The following GCH1 variants were observed in gnomAD, a reference collection of about 807,000 sequenced individuals.
GCH1 encodes GTP cyclohydrolase I.
A neutral mutation model predicts 25.9 loss-of-function variants in GCH1; 5 were observed. The ratio of observed to expected loss-of-function variants is 0.19; its 90% confidence interval spans 0.10 to 0.41. The LOEUF is 0.41. Ranked by LOEUF, GCH1 falls within the 10% of genes least tolerant of loss-of-function variation. GCH1 has a pLI of 1.00. For missense variants in GCH1, 261 were observed against 336.5 expected (o/e 0.78, Z 1.75); for synonymous variants, 159 against 129.6 (o/e 1.23, Z -1.54).
chr14:54,849,013 T>G (rs530039464), intron 3 of GCH1, among the ~76,000 whole-genome samples: 1 of 152,196 alleles, frequency 6.6e-6, no homozygotes, highest in Non-Finnish European at 1.5e-5. Flanking sequence ...TTTTCTGGAG[T>G]AGAACTTCAG....
At chr14:54,850,098 C>A (rs1203690268) in intron 3 of GCH1, among the ~76,000 whole-genome samples, 1 of 151,900 alleles carries the variant, frequency 6.6e-6, no homozygotes, top group East Asian at 1.9e-4. Flanking sequence ...CTCAGGTTCC[C>A]AAGTAGCTGC....
intron 1 of GCH1, among the ~76,000 whole-genome samples, chr14:54,879,185 C>T (rs1236886402): frequency 6.6e-6 from 1 of 152,094 alleles, no homozygotes; most frequent in East Asian, 1.9e-4. Flanking sequence ...CTTTGGGAGG[C>T]CAAGGCAGGT....
At chr14:54,891,689 C>A (rs1004961850) in intron 1 of GCH1, among the ~76,000 whole-genome samples, 1 of 152,188 alleles carries the variant, frequency 6.6e-6, no homozygotes, top group African/African-American at 2.4e-5. Context: ...GAACTGCAGG[C>A]ATGAGCCATC....
chr14:54,869,131 C>T (rs1250591962), intron 1 of GCH1, among the ~76,000 whole-genome samples: 4 of 151,748 alleles, frequency 2.6e-5, no homozygotes, highest in Admixed American at 6.6e-5. Context: ...CTTCGCCTCC[C>T]GGGTTCAAGC....
At chr14:54,885,270 A>G in intron 1 of GCH1, 1 of 215,882 alleles carries the variant, frequency 4.6e-6, no homozygotes, top group Non-Finnish European at 9.6e-6. Context: ...TCAGGATGGT[A>G]GAAGAAGTAG....
intron 1 of GCH1, among the ~76,000 whole-genome samples, chr14:54,868,487 A>G (rs1052943413): frequency 2.0e-5 from 3 of 152,232 alleles, no homozygotes; most frequent in Non-Finnish European, 4.4e-5. Flanking sequence ...CAGAAAGACT[A>G]AGGAATTGTC....
intron 3 of GCH1, among the ~76,000 whole-genome samples, chr14:54,848,628 G>T (rs541348704): frequency 2.2e-4 from 34 of 151,940 alleles, no homozygotes; most frequent in Middle Eastern, 6.8e-3. Flanking sequence ...CCAACTACAC[G>T]TCTCAGAACC....
chr14:54,865,045 A>G (rs866705286), intron 2 of GCH1, among the ~76,000 whole-genome samples: 21 of 137,218 alleles, frequency 1.5e-4, no homozygotes, highest in African/African-American at 7.0e-4. Flanking sequence ...GTAGCTACAA[A>G]AAAAAAAAAA....
intron 1 of GCH1, among the ~76,000 whole-genome samples, chr14:54,892,622 G>C (rs764608138): frequency 9.2e-5 from 14 of 151,986 alleles, no homozygotes; most frequent in Non-Finnish European, 1.9e-4. Flanking sequence ...CCAGGGGACA[G>C]AGGTTGCAGT....
chr14:54,878,526 T>C (rs1177584830), intron 1 of GCH1, among the ~76,000 whole-genome samples: 1 of 152,162 alleles, frequency 6.6e-6, no homozygotes, highest in Non-Finnish European at 1.5e-5. Flanking sequence ...CATAGTTCCA[T>C]CTAATATCAG....
chr14:54,844,233 C>T (rs577612263), intron 5 of GCH1, 90 bp from the exon 6 acceptor site: 75 of 850,536 alleles, frequency 8.8e-5, no homozygotes, highest in Non-Finnish European at 1.3e-4. Flanking sequence ...AATCTCAGCT[C>T]ACAGTTACCA....
intron 1 of GCH1, chr14:54,885,911 C>CA (rs1015405707): frequency 2.0e-3 from 367 of 186,278 alleles, no homozygotes; most frequent in South Asian, 5.0e-3. Flanking sequence ...ACAACAACAA[C>CA]AAAAAAAAAC....
intron 4 of GCH1, 34 bp from the exon 5 acceptor site, chr14:54,845,886 C>A: frequency 9.1e-7 from 1 of 1,102,776 alleles, no homozygotes; most frequent in East Asian, 2.3e-5. Context: ...GTTTGAGAGT[C>A]TGACACAAAC....
At chr14:54,892,090 G>A (rs1346700844) in intron 1 of GCH1, among the ~76,000 whole-genome samples, 1 of 152,104 alleles carries the variant, frequency 6.6e-6, no homozygotes, top group East Asian at 1.9e-4. Flanking sequence ...GTGAAACTGT[G>A]AAGGAGGAAA....
intron 4 of GCH1, among the ~76,000 whole-genome samples, chr14:54,846,790 G>A (rs1241012242): frequency 6.6e-6 from 1 of 152,242 alleles, no homozygotes; most frequent in African/African-American, 2.4e-5. Flanking sequence ...GCCAGGCACA[G>A]TGGCTCATGC....
At chr14:54,888,886 A>G (rs2040389667) in intron 1 of GCH1, among the ~76,000 whole-genome samples, 1 of 152,162 alleles carries the variant, frequency 6.6e-6, no homozygotes, top group South Asian at 2.1e-4. Flanking sequence ...AGAATTTCCA[A>G]CATGCTAAAT....
chr14:54,861,081 G>C (rs376538835), intron 2 of GCH1, among the ~76,000 whole-genome samples: 1 of 152,096 alleles, frequency 6.6e-6, no homozygotes, highest in Non-Finnish European at 1.5e-5. Flanking sequence ...TTAATTAACC[G>C]AATATAAAAT....
chr14:54,884,485 G>T (rs1431912669), intron 1 of GCH1, among the ~76,000 whole-genome samples: 1 of 152,094 alleles, frequency 6.6e-6, no homozygotes, highest in African/African-American at 2.4e-5. Context: ...AGATTACACA[G>T]TAGGCCGGGC....
intron 3 of GCH1, among the ~76,000 whole-genome samples, chr14:54,855,664 A>T (rs2039799914): frequency 6.6e-6 from 1 of 151,580 alleles, no homozygotes; most frequent in South Asian, 2.1e-4. Context: ...AAATACAAAA[A>T]TTAGCCAGGC....
Sources: allele counts gnomAD v4.1 joint callset (sites outside exome capture counted in the v4.1 genomes callset), GRCh38; gene constraint gnomAD v4.1.1; transcripts MANE v1.5; gene names NCBI Gene and HGNC (gene_info 2026-07-23, HGNC 2026-07-21).